The following ATP11A variants were observed in gnomAD, a reference collection of about 807,000 sequenced individuals.
The protein encoded by ATP11A is ATPase phospholipid transporting 11A, also known as phospholipid-transporting ATPase IH.
A neutral mutation model predicts 154.4 loss-of-function variants in ATP11A; 81 were observed. That is an observed-to-expected ratio of 0.52 (90% CI 0.44 to 0.63). The LOEUF (loss-of-function observed/expected upper bound fraction) is 0.63, where lower values mean the gene tolerates loss of function less well. Among genes scored for constraint, ATP11A ranks in the 30% least tolerant of loss-of-function variants. The pLI is 0.00. For synonymous variants in ATP11A, 623 were observed against 585.9 expected, an observed-to-expected ratio of 1.06 and a Z score of -0.91; for missense variants, 1,316 against 1,474.3, an observed-to-expected ratio of 0.89 and a Z score of 1.76.
At chr13:112,818,650 AC>A (rs1194002481) in intron 6 of ATP11A, among the ~76,000 whole-genome samples, 1 of 152,176 alleles carries the variant, frequency 6.6e-6, no homozygotes, top group African/African-American at 2.4e-5. Flanking sequence ...TACTGAGGTC[AC>A]CAGGCCTCAA....
intron 29 of ATP11A, among the ~76,000 whole-genome samples, chr13:112,879,732 G>C (rs1246918921): frequency 6.6e-6 from 1 of 152,242 alleles, no homozygotes; most frequent in Non-Finnish European, 1.5e-5. Context: ...GTGGCGCCGA[G>C]ACCACCTGCG....
At position 112,824,154 on chromosome 13, in the gene ATP11A, A is replaced by G. The variant is rs530901909; in HGVS notation, c.791-190A>G. Among the ~76,000 whole-genome samples the G allele has an allele frequency of 4.6e-5, 7 of 151,922 alleles. No individual in the cohort carries two copies. In the South Asian group the frequency reaches 8.3e-4, roughly 18 times the overall value. On this transcript the variant is annotated intron_variant, in intron 9 of 29. Coordinates refer to ENST00000375645, the MANE Select transcript of ATP11A (RefSeq NM_015205.3). Reference sequence around the variant, plus strand: ...AAAAATGAAGCATAGATTGCTTCCTATGCATGAAGAAGGGTCTTTATCCTA... The same window carrying G: ...AAAAATGAAGCATAGATTGCTTCCTGTGCATGAAGAAGGGTCTTTATCCTA...
At chr13:112,737,737 G>A (rs914787781) in intron 1 of ATP11A, among the ~76,000 whole-genome samples, 14 of 152,246 alleles carry the variant, frequency 9.2e-5, no homozygotes, top group Admixed American at 6.5e-5. Context: ...ACTCTGGTTT[G>A]TATTGAGAAT....
rs117721915 is a variant in ATP11A, at chr13:112,838,665, G to A, written c.1705+2414G>A. ...AGGCTGAAGAGCCGCTGGATCACTCGAAGAATCCGGGTTGGAGGCATTTGT... is the reference window on the plus strand; with the variant it reads ...AGGCTGAAGAGCCGCTGGATCACTCAAAGAATCCGGGTTGGAGGCATTTGT... On this transcript the variant is annotated intron_variant, in intron 16 of 29. Coordinates refer to ENST00000375645, the MANE Select transcript of ATP11A (RefSeq NM_015205.3). The surrounding 1 kb of genome is among the most constrained non-coding windows in gnomAD (Gnocchi z 7.3). Among the ~76,000 whole-genome samples the A allele has an allele frequency of 7.3e-4, 111 of 152,326 alleles. No homozygotes were observed. Among genetic ancestry groups the A allele is most frequent in the Non-Finnish European group, 1.1e-3 (76 of 68,030 alleles).
intron 1 of ATP11A, among the ~76,000 whole-genome samples, chr13:112,743,192 T>C (rs1351013696): frequency 2.0e-5 from 3 of 152,232 alleles, no homozygotes; most frequent in Admixed American, 1.3e-4. Flanking sequence ...TTGTGAGATG[T>C]CTGCCACATG....
intron 25 of ATP11A, among the ~76,000 whole-genome samples, chr13:112,866,914 ATTC>A (rs769567748): frequency 6.6e-5 from 10 of 152,154 alleles, no homozygotes; most frequent in Non-Finnish European, 1.3e-4. Flanking sequence ...TCTAGAACTT[ATTC>A]TTTGTCTTCA....
intron 4 of ATP11A, among the ~76,000 whole-genome samples, chr13:112,808,193 A>T (rs1237644171): frequency 2.0e-5 from 3 of 151,934 alleles, no homozygotes; most frequent in Non-Finnish European, 4.4e-5. Flanking sequence ...GCTGTGCCCC[A>T]TCCCTGGCTG....
At chr13:112,813,091 C>T (rs561692959) in intron 5 of ATP11A, among the ~76,000 whole-genome samples, 70 of 152,302 alleles carry the variant, frequency 4.6e-4, no homozygotes, top group Non-Finnish European at 2.8e-4. Context: ...CTACTCAGGA[C>T]GAGAAAGAAA....
intron 1 of ATP11A, among the ~76,000 whole-genome samples, chr13:112,760,263 C>T (rs965491060): frequency 4.6e-5 from 7 of 152,200 alleles, no homozygotes; most frequent in Admixed American, 1.3e-4. Flanking sequence ...AGGGGCACCT[C>T]GCTGTGAGTT....
chr13:112,777,564 C>CA (rs1257612761), intron 1 of ATP11A, among the ~76,000 whole-genome samples: 1 of 152,140 alleles, frequency 6.6e-6, no homozygotes, highest in African/African-American at 2.4e-5. Context: ...GACTTCGTCT[C>CA]AAAAAATATA....
At chr13:112,827,389 G>A (rs1229953051) in intron 12 of ATP11A, among the ~76,000 whole-genome samples, 1 of 152,248 alleles carries the variant, frequency 6.6e-6, no homozygotes, top group Admixed American at 6.5e-5. Context: ...TCTGTGAAAT[G>A]GAGATGATAA....
chr13:112,871,035 A>T (rs1003802585), intron 25 of ATP11A, among the ~76,000 whole-genome samples: 3 of 152,120 alleles, frequency 2.0e-5, no homozygotes, highest in Non-Finnish European at 2.9e-5. Flanking sequence ...TTCTGGCCGC[A>T]CGCGGGGCAG....
chr13:112,701,820 A>G (rs890813938), intron 1 of ATP11A, among the ~76,000 whole-genome samples: 4 of 151,724 alleles, frequency 2.6e-5, no homozygotes, highest in African/African-American at 9.7e-5. Context: ...GCGACAGAGC[A>G]GGCTGTCAAC....
At position 112,883,834 on chromosome 13, in the gene ATP11A, C is replaced by T. The variant is rs1305206156; in HGVS notation, c.*1968C>T. The T allele has an allele frequency of 6.6e-6, 1 of 152,536 alleles. No homozygotes were observed. The highest frequency in any genetic ancestry group is 1.5e-5 in the Non-Finnish European group (1 of 68,046). The allele number at this position is 152,536 out of a possible 1,614,324, so 9.4% of individuals were successfully genotyped here. On this transcript the variant is annotated 3_prime_UTR_variant, in exon 30 of 30. Transcript: ENST00000375645. ...ACAATGGTGTGTGCGTTTTTACAGC[C>T]CTTTTTAGGAACCCAATATGGGCAT...
rs115325073 is a variant in ATP11A, at chr13:112,705,453, A to G, written c.39+14998A>G. Among the ~76,000 whole-genome samples, 360 of 145,336 alleles carry G rather than the reference A, an allele frequency of 2.5e-3. 2 individuals are homozygous for G. The highest frequency in any genetic ancestry group is 9.8e-3 in the African/African-American group (343 of 34,978). On this transcript the variant is annotated intron_variant, in intron 1 of 29. Coordinates refer to ENST00000375645, the MANE Select transcript of ATP11A (RefSeq NM_015205.3). ...TGCGCTGAAGATTCTGTGGGGAGCA[A>G]GAGGTACAGGCGCCCCAGCTCTCCT...
Position 112,882,271 on chromosome 13 carries a change from G to T in ATP11A, c.*405G>T. 2.0e-6 allele frequency: 1 copy of T among 506,178 alleles called. No homozygotes were observed. The highest frequency in any genetic ancestry group is 3.2e-6 in the Non-Finnish European group (1 of 314,688). The allele number at this position is 506,178 out of a possible 1,614,324, so 31.4% of individuals were successfully genotyped here. ...GCTGGCCCACCCTGCGCGCTGTCAT[G>T]CAGAGGCCATTCCCCCAGGCCTGTG... On this transcript the variant is annotated 3_prime_UTR_variant, in exon 30 of 30. Coordinates refer to ENST00000375645, the MANE Select transcript of ATP11A (RefSeq NM_015205.3). The surrounding 1 kb of genome is among the most constrained non-coding windows in gnomAD (Gnocchi z 5.1).
At chr13:112,745,440 C>G (rs1374310809) in intron 1 of ATP11A, 1 of 152,154 alleles carries the variant, frequency 6.6e-6, no homozygotes, top group East Asian at 1.9e-4. Context: ...TTAGTACCAC[C>G]CAAATAAATA....
chr13:112,763,462 T>C (rs1014793794), intron 1 of ATP11A, among the ~76,000 whole-genome samples: 3 of 152,216 alleles, frequency 2.0e-5, no homozygotes, highest in Non-Finnish European at 4.4e-5. Context: ...AGAGAAATTA[T>C]CTTACCTCAA....
intron 1 of ATP11A, among the ~76,000 whole-genome samples, chr13:112,749,282 G>A (rs1338760478): frequency 6.6e-6 from 1 of 152,210 alleles, no homozygotes; most frequent in Admixed American, 6.5e-5. Flanking sequence ...CCTGGTCCCA[G>A]CCTTCTATTT....
Sources: gnomAD v4.1 joint callset for allele counts (sites outside exome capture counted in the v4.1 genomes callset) on GRCh38, gnomAD v4.1.1 for gene constraint, Gnocchi (gnomAD v3.1) non-coding constraint, MANE v1.5 for transcripts, NCBI Gene and HGNC (gene_info 2026-07-23, HGNC 2026-07-21) for gene names.